The following TEX15 variants were observed in gnomAD, a reference collection of about 807,000 sequenced individuals.
The protein encoded by TEX15 is testis-expressed protein 15.
In TEX15, 171 loss-of-function variants were observed where a neutral mutation model predicts 237.3. The observed-to-expected ratio is 0.72, with a 90% CI of 0.64 to 0.82. The LOEUF (loss-of-function observed/expected upper bound fraction) is 0.82, where lower values mean the gene tolerates loss of function less well. Ranked by LOEUF, TEX15 falls within the 40% of genes least tolerant of loss-of-function variation. The pLI is 0.00. For synonymous variants in TEX15, 1,338 were observed against 1,269.8 expected, an observed-to-expected ratio of 1.05 and a Z score of -1.14; for missense variants, 3,750 against 3,646.5, an observed-to-expected ratio of 1.03 and a Z score of -0.73.
intron 1 of TEX15, among the ~76,000 whole-genome samples, chr8:30,908,392 A>C (rs1273076011): frequency 2.0e-5 from 3 of 152,134 alleles, no homozygotes; most frequent in Non-Finnish European, 4.4e-5. Context: ...CTATTATATT[A>C]ATGGCACAAA....
chr8:30,877,247 C>T (rs1429695944), intron 3 of TEX15, among the ~76,000 whole-genome samples: 1 of 152,164 alleles, frequency 6.6e-6, no homozygotes, highest in Non-Finnish European at 1.5e-5. Context: ...TCTGTGAAAG[C>T]ATTGCTGAGT....
At chr8:30,871,992 G>A (rs1405879718) in intron 4 of TEX15, among the ~76,000 whole-genome samples, 1 of 152,128 alleles carries the variant, frequency 6.6e-6, no homozygotes, top group African/African-American at 2.4e-5. Flanking sequence ...ATATCCTTCT[G>A]TAAAGAAGTA....
Position 30,842,818 on chromosome 8 carries a change from A to G in TEX15, c.7349T>C (p.Met2450Thr). 1 of 1,613,244 alleles carries G rather than the reference A, an allele frequency of 6.2e-7. No homozygotes were observed. The highest frequency in any genetic ancestry group is 8.5e-7 in the Non-Finnish European group (1 of 1,179,488). The part of the protein sequence containing the change: ...EAIEMYIEIV[M>T]VSETIHFLKN... ...AAGAAAGTGAATTGTTTCTGAGACC[A>G]TGACGATTTCAATATACATTTCAAT... The change falls in exon 8 of 11, where the codon ATG (methionine) becomes ACG (threonine). Residue 2450 changes from methionine to threonine, a missense_variant. Physicochemically the swap from Met to Thr is moderately conservative, Grantham distance 81 (BLOSUM62 -1). Transcript: ENST00000643185.
rs150322300 is a variant in TEX15, at chr8:30,864,607, T to C, written c.540+2658A>G. Among the ~76,000 whole-genome samples, 905 of 145,122 alleles carry C rather than the reference T, an allele frequency of 6.2e-3. 8 individuals are homozygous for C. Among genetic ancestry groups the C allele is most frequent in the African/African-American group, 0.023 (871 of 37,864 alleles). On this transcript the variant is annotated intron_variant, in intron 5 of 10. Transcript: ENST00000643185. ...ATGAAGAAGAAATAGGAGGGATAAT[T>C]TCCCAGACCAGAAAAAAAAAAAAAA...
At position 30,847,688 on chromosome 8, in the gene TEX15, T is replaced by C; in HGVS notation, c.2479A>G (p.Thr827Ala). ...LENIQRDYKE[T>A]AYVEDRGQDH... ...TGACCCCTATCTTCAACATAAGCAGTTTCTTTATAGTCTCTCTGAATGTTC... is the reference window on the plus strand; with the variant it reads ...TGACCCCTATCTTCAACATAAGCAGCTTCTTTATAGTCTCTCTGAATGTTC... The change falls in exon 8 of 11, where the codon ACT becomes GCT. Residue 827 changes from threonine (T) to alanine (A), a missense_variant. By Grantham distance (58) the Thr-to-Ala change is moderately conservative (BLOSUM62 0). Transcript: ENST00000643185. 1 of 1,613,848 alleles carries C rather than the reference T, an allele frequency of 6.2e-7. No individual in the cohort carries two copies. Among genetic ancestry groups the C allele is most frequent in the Non-Finnish European group, 8.5e-7 (1 of 1,179,894 alleles).
chr8:30,867,326 T>C lies in TEX15; in HGVS notation c.479A>G (p.Asp160Gly). ...LLGIYMFRHV[D>G]IALNYSHSQS... ...ACTATGAGAATAATTCAAGGCAATA[T>C]CAACATGTCTAAACATATAAATTCC... Residue 160 changes from aspartate to glycine, a missense_variant, in exon 5 of 11, where the codon GAT becomes GGT. Asp to Gly is a moderately conservative substitution (Grantham distance 94). Transcript: ENST00000643185. 1.3e-6 allele frequency: 2 copies of C among 1,526,104 alleles called. No homozygotes were observed. The highest frequency in any genetic ancestry group is 2.5e-5 in the East Asian group (1 of 40,794). The allele number at this position is 1,526,104 out of a possible 1,614,324, so 94.5% of individuals were successfully genotyped here.
In TEX15 at chr8:30,837,041, T is replaced by G; in HGVS notation, c.9243A>C (p.Ala3081=). The part of the protein sequence containing the change: ...PSPSGLLTTV[A]STAQGTHSNL... ...TAGAATGTGTGCCCTGGGCAGTACT[T>G]GCAACTGTGGTCAACAGCCCAGAAG... The change falls in exon 10 of 11, where the codon GCA becomes GCC. Residue 3081 remains alanine (A), a synonymous_variant. Transcript: ENST00000643185. 1 of 1,614,182 alleles carries G rather than the reference T, an allele frequency of 6.2e-7. No homozygotes were observed. The highest frequency in any genetic ancestry group is 8.5e-7 in the Non-Finnish European group (1 of 1,180,032).
At chr8:30,902,381 G>A (rs752546043) in intron 1 of TEX15, among the ~76,000 whole-genome samples, 1 of 151,940 alleles carries the variant, frequency 6.6e-6, no homozygotes, top group Non-Finnish European at 1.5e-5. Flanking sequence ...TTTGCTTTTT[G>A]CAGGGGGAGG....
intron 10 of TEX15, among the ~76,000 whole-genome samples, chr8:30,836,214 T>TG: frequency 7.9e-6 from 1 of 125,848 alleles, no homozygotes; most frequent in South Asian, 2.9e-4. Context: ...CGTTTTTTTT[T>TG]TTTTTTTTTT....
chr8:30,849,617 TA>T (rs1456017507), intron 7 of TEX15, among the ~76,000 whole-genome samples: 1 of 151,952 alleles, frequency 6.6e-6, no homozygotes, highest in Non-Finnish European at 1.5e-5. Context: ...AAAAACTAAA[TA>T]GGGGCTGGGC....
chr8:30,873,004 A>C (rs1311088303), intron 4 of TEX15, among the ~76,000 whole-genome samples: 1 of 152,156 alleles, frequency 6.6e-6, no homozygotes, highest in Non-Finnish European at 1.5e-5. Flanking sequence ...GATATAGTTG[A>C]GGTGTATAAG....
intron 7 of TEX15, among the ~76,000 whole-genome samples, chr8:30,856,014 C>T (rs1410592165): frequency 1.3e-5 from 2 of 151,998 alleles, no homozygotes; most frequent in Admixed American, 6.5e-5. Context: ...GGTGCCATCT[C>T]GGCTCACTGC....
chr8:30,844,345 T>A lies in TEX15; in HGVS notation c.5822A>T (p.His1941Leu). The A allele has an allele frequency of 6.2e-7, 1 of 1,612,078 alleles. No homozygotes were observed. The highest frequency in any genetic ancestry group is 8.5e-7 in the Non-Finnish European group (1 of 1,179,262). ...TTTGGAAATATAGGCTATTTCTGAA[T>A]GTAATGTCAAGTCAGACTGCGAGTC... ...SKDSQSDLTLHSEIAYISKPG... is the reference protein window; with the variant it reads ...SKDSQSDLTLLSEIAYISKPG... The change falls in exon 8 of 11, where the codon CAT (histidine) becomes CTT (leucine). Residue 1941 changes from histidine (H) to leucine (L), a missense_variant. Transcript: ENST00000643185.
At chr8:30,892,128 G>C (rs1184979373) in intron 2 of TEX15, among the ~76,000 whole-genome samples, 1 of 152,074 alleles carries the variant, frequency 6.6e-6, no homozygotes, top group East Asian at 1.9e-4. Context: ...AACTTTCATA[G>C]TTTTGCCTTT....
At chr8:30,912,343 C>A (rs1350381237) in intron 1 of TEX15, among the ~76,000 whole-genome samples, 2 of 12,972 alleles carry the variant, frequency 1.5e-4, no homozygotes, top group African/African-American at 5.4e-4. Flanking sequence ...CTCCCGCCCC[C>A]TCCCCGCCCC....
At chr8:30,907,194 T>C (rs1252698111) in intron 1 of TEX15, among the ~76,000 whole-genome samples, 1 of 152,142 alleles carries the variant, frequency 6.6e-6, no homozygotes, top group Non-Finnish European at 1.5e-5. Flanking sequence ...GGCTGGAGGG[T>C]GGAGTGCAGT....
intron 3 of TEX15, among the ~76,000 whole-genome samples, chr8:30,886,261 T>G (rs1276791807): frequency 6.6e-6 from 1 of 152,210 alleles, no homozygotes; most frequent in Non-Finnish European, 1.5e-5. Context: ...GCACTGACTC[T>G]TTAATACTAT....
At chr8:30,863,994 C>CAT (rs1808104837) in intron 5 of TEX15, among the ~76,000 whole-genome samples, 2 of 151,910 alleles carry the variant, frequency 1.3e-5, no homozygotes, top group African/African-American at 2.4e-5. Flanking sequence ...TGAAAAAGAC[C>CAT]TGATGGCTGA....
intron 1 of TEX15, among the ~76,000 whole-genome samples, chr8:30,904,654 T>A (rs960195089): frequency 2.0e-5 from 3 of 152,196 alleles, no homozygotes; most frequent in African/African-American, 7.2e-5. Context: ...AAACCACAAG[T>A]ATTCCTCAGC....
Sources: gnomAD v4.1 joint callset for allele counts (sites outside exome capture counted in the v4.1 genomes callset) on GRCh38, gnomAD v4.1.1 for gene constraint, MANE v1.5 for transcripts, NCBI Gene and HGNC (gene_info 2026-07-23, HGNC 2026-07-21) for gene names.